CC2D2A: variants seen among roughly 807,000 people sequenced by gnomAD.
CC2D2A encodes coiled-coil and C2 domain containing 2A, also known as coiled-coil and C2 domain-containing protein 2A.
In CC2D2A, 155 loss-of-function variants were observed where a neutral mutation model predicts 212.9. That is an observed-to-expected ratio of 0.73 (90% CI 0.64 to 0.83). The LOEUF is 0.83. Ranked by LOEUF, CC2D2A falls within the 40% of genes least tolerant of loss-of-function variation. The probability of loss-of-function intolerance (pLI) is 0.00; values close to 1 mark genes in which losing one functional copy is unlikely to be tolerated. For missense variants in CC2D2A, 1,856 were observed against 1,956.2 expected (o/e 0.95, Z 0.97); for synonymous variants, 667 against 686.5 (o/e 0.97, Z 0.44).
intron 30 of CC2D2A, among the ~76,000 whole-genome samples, chr4:15,580,837 G>T (rs180974744): frequency 6.6e-6 from 1 of 152,110 alleles, no homozygotes; most frequent in Non-Finnish European, 1.5e-5. Context: ...ACTGTACTAA[G>T]ATAACTATCC....
chr4:15,483,404 G>T (rs528249799), intron 4 of CC2D2A, among the ~76,000 whole-genome samples: 2 of 152,162 alleles, frequency 1.3e-5, no homozygotes, highest in Admixed American at 6.5e-5. Context: ...AAAACACGGA[G>T]AGGGTCAAGA....
chr4:15,492,541 A>G (rs1477092211), intron 4 of CC2D2A, among the ~76,000 whole-genome samples: 1 of 147,238 alleles, frequency 6.8e-6, no homozygotes, highest in Non-Finnish European at 1.5e-5. Context: ...AGGGGACTTT[A>G]TTGATTGTAC....
chr4:15,508,384 C>T (rs752045452), intron 6 of CC2D2A, among the ~76,000 whole-genome samples: 1 of 152,050 alleles, frequency 6.6e-6, no homozygotes, highest in Non-Finnish European at 1.5e-5. Flanking sequence ...ATGGGCTAAA[C>T]TAAAATGTTT....
intron 8 of CC2D2A, among the ~76,000 whole-genome samples, chr4:15,513,522 CTCTTTTAA>C (rs1258653957): frequency 6.6e-6 from 1 of 152,232 alleles, no homozygotes; most frequent in African/African-American, 2.4e-5. Context: ...CCTAAAACTG[CTCTTTTAA>C]ATCACACACA....
intron 19 of CC2D2A, among the ~76,000 whole-genome samples, chr4:15,554,077 T>A (rs1276640446): frequency 1.3e-5 from 2 of 152,188 alleles, no homozygotes; most frequent in Non-Finnish European, 2.9e-5. Context: ...CGACCACACA[T>A]GTCCATGTGA....
chr4:15,600,250 T>C (rs982832623), intron 36 of CC2D2A, among the ~76,000 whole-genome samples: 1 of 152,182 alleles, frequency 6.6e-6, no homozygotes, highest in African/African-American at 2.4e-5. Flanking sequence ...TCCTTTAACT[T>C]ATAAGGCAGG....
At chr4:15,506,825 G>A (rs922081562) in intron 6 of CC2D2A, among the ~76,000 whole-genome samples, 2 of 152,006 alleles carry the variant, frequency 1.3e-5, no homozygotes, top group Non-Finnish European at 2.9e-5. Context: ...TGTAATCCCA[G>A]CACTTTGGGA....
At chr4:15,515,177 A>G (rs1716790720) in intron 9 of CC2D2A, among the ~76,000 whole-genome samples, 1 of 152,160 alleles carries the variant, frequency 6.6e-6, no homozygotes. Context: ...TTTATCCCCA[A>G]CCTTCCCTAA....
At chr4:15,471,727 C>T (rs563023319) in intron 1 of CC2D2A, among the ~76,000 whole-genome samples, 106 of 152,024 alleles carry the variant, frequency 7.0e-4, no homozygotes, top group African/African-American at 2.5e-3. Flanking sequence ...CCACATATTC[C>T]TTGGCAAAGA....
chr4:15,553,381 G>A, intron 19 of CC2D2A, 76 bp downstream of exon 19: 1 of 1,480,678 alleles, frequency 6.8e-7, no homozygotes, highest in Non-Finnish European at 9.3e-7. Context: ...AAGAAAGCTT[G>A]CAGTATCATA....
Position 15,600,625 on chromosome 4 carries a change from G to A in CC2D2A, c.4675-612G>A, listed in dbSNP as rs915853161. Among the ~76,000 whole-genome samples the A allele has an allele frequency of 1.4e-4, 21 of 152,112 alleles. No homozygotes were observed. In the East Asian group the frequency reaches 3.9e-3, roughly 28 times the overall value. ...AGCCAAGGGGACGAAAATTATTGTC[G>A]GGCGCTATGGCTCACACCTGTAACC... is the stretch of plus-strand genomic sequence containing the variant. On this transcript the variant is annotated intron_variant, in intron 36 of 36. Transcript: ENST00000424120.
At chr4:15,514,639 T>TC (rs756479834) in intron 8 of CC2D2A, 68 bp from the exon 9 acceptor site, 79 of 1,218,458 alleles carry the variant, frequency 6.5e-5, no homozygotes, top group Non-Finnish European at 7.7e-5. Context: ...GAGTTTGGTA[T>TC]TGTGAATTAT....
chr4:15,514,469 A>T (rs1211253032), intron 8 of CC2D2A, among the ~76,000 whole-genome samples: 2 of 152,238 alleles, frequency 1.3e-5, no homozygotes, highest in Non-Finnish European at 2.9e-5. Flanking sequence ...TTCTCTTCTG[A>T]AACAGCCATC....
chr4:15,478,905 C>G (rs978769259), intron 3 of CC2D2A, 99 bp downstream of exon 3: 9 of 1,034,172 alleles, frequency 8.7e-6, no homozygotes, highest in Non-Finnish European at 1.3e-5. Flanking sequence ...AGCCTTCCTT[C>G]TTTTGGTACC....
At position 15,553,238 on chromosome 4, in the gene CC2D2A, T is replaced by C. The variant is rs1719096877; in HGVS notation, c.2419T>C (p.Trp807Arg). ...AGGGAAAGTGTCTCATAGTGTGGCA[T>C]GGGCCATTGGAGAAAACGGGATACC... Reference protein sequence around the residue: ...TSGKVSHSVAWAIGENGIPLI... With the variant: ...TSGKVSHSVARAIGENGIPLI... Residue 807 changes from tryptophan (W) to arginine (R), a missense_variant, in exon 19 of 37, where the codon TGG (tryptophan) becomes CGG (arginine). Coordinates refer to ENST00000424120, the MANE Select transcript of CC2D2A (RefSeq NM_001378615.1). 1.2e-6 allele frequency: 2 copies of C among 1,613,292 alleles called. No individual in the cohort carries two copies. The highest frequency in any genetic ancestry group is 1.7e-6 in the Non-Finnish European group (2 of 1,179,638).
chr4:15,511,494 A>G (rs1399756933), intron 8 of CC2D2A, 71 bp downstream of exon 8: 6 of 1,372,878 alleles, frequency 4.4e-6, no homozygotes, highest in African/African-American at 3.0e-5. Context: ...TCCCTGCAAG[A>G]AAGAAAGTGG....
chr4:15,590,408 G>A (rs950376801), intron 33 of CC2D2A, among the ~76,000 whole-genome samples: 9 of 152,150 alleles, frequency 5.9e-5, no homozygotes, highest in African/African-American at 2.2e-4. Context: ...CCAGCTACTT[G>A]GGAGGCTGAG....
intron 36 of CC2D2A, among the ~76,000 whole-genome samples, 174 bp downstream of exon 36, chr4:15,599,880 T>C (rs1479617868): frequency 1.3e-5 from 2 of 152,166 alleles, no homozygotes; most frequent in Non-Finnish European, 2.9e-5. Flanking sequence ...AATCATGAAA[T>C]AGCAAAATAC....
chr4:15,500,107 G>GTGTGTGTGTGTGTATATA (rs1479141284), intron 4 of CC2D2A, among the ~76,000 whole-genome samples: 8 of 112,946 alleles, frequency 7.1e-5, no homozygotes, highest in Non-Finnish European at 1.2e-4. Flanking sequence ...GTGTGTGTGT[G>GTGTGTGTGTGTGTATATA]TATATATATA....
Sources: gnomAD v4.1 joint callset for allele counts (sites outside exome capture counted in the v4.1 genomes callset) on GRCh38, gnomAD v4.1.1 for gene constraint, MANE v1.5 for transcripts, NCBI Gene and HGNC (gene_info 2026-07-23, HGNC 2026-07-21) for gene names.